The following MSH3 variants were observed in gnomAD, a reference collection of about 807,000 sequenced individuals.
MSH3 encodes the protein mutS homolog 3, also known as DNA mismatch repair protein Msh3.
A neutral mutation model predicts 123.3 loss-of-function variants in MSH3; 106 were observed. The observed-to-expected ratio is 0.86, with a 90% CI of 0.73 to 1.01. The LOEUF is 1.01. Ranked by LOEUF, MSH3 falls within the 50% of genes least tolerant of loss-of-function variation. The probability of loss-of-function intolerance (pLI) is 0.00; values close to 1 mark genes in which losing one functional copy is unlikely to be tolerated. For missense variants in MSH3, 1,459 were observed against 1,347.6 expected (o/e 1.08, Z -1.29); for synonymous variants, 515 against 481.4 (o/e 1.07, Z -0.91).
At chr5:80,851,454 GTTTC>G (rs1473199122) in intron 20 of MSH3, among the ~76,000 whole-genome samples, 2 of 152,100 alleles carry the variant, frequency 1.3e-5, no homozygotes, top group East Asian at 3.8e-4. Context: ...GTTTTCATGA[GTTTC>G]TTTTGTGAAT....
At chr5:80,762,392 C>T (rs187271530) in intron 13 of MSH3, among the ~76,000 whole-genome samples, 203 of 152,016 alleles carry the variant, frequency 1.3e-3, no homozygotes, top group Admixed American at 2.6e-3. Flanking sequence ...TTATTACCTT[C>T]TTACTAATAA....
At chr5:80,663,788 T>C (rs1180240050) in intron 2 of MSH3, among the ~76,000 whole-genome samples, 7 of 152,002 alleles carry the variant, frequency 4.6e-5, no homozygotes, top group Admixed American at 4.6e-4. Context: ...ACTATTTTTT[T>C]TGAAGCAACA....
chr5:80,687,578 G>T (rs545770797), intron 8 of MSH3, among the ~76,000 whole-genome samples: 1 of 152,128 alleles, frequency 6.6e-6, no homozygotes, highest in Non-Finnish European at 1.5e-5. Context: ...TAATGGGGAG[G>T]GGGGAAGGGT....
intron 20 of MSH3, among the ~76,000 whole-genome samples, chr5:80,832,260 A>T (rs1745432957): frequency 6.6e-6 from 1 of 152,122 alleles, no homozygotes; most frequent in African/African-American, 2.4e-5. Context: ...CAGGATGGGG[A>T]AAGGGGAGAG....
rs1317210806 is a variant in MSH3, at chr5:80,865,842, A to T, written c.3130+900A>T. Among the ~76,000 whole-genome samples the T allele has an allele frequency of 5.1e-4, 78 of 152,206 alleles. 2 individuals are homozygous for T. Among genetic ancestry groups the T allele is most frequent in the Admixed American group, 5.1e-3 (78 of 15,280 alleles). Reference sequence around the variant, plus strand: ...AGAAATCAGGCAGCTGGCCCAAATAAAACAAAGCACTGGGCCTAAGATAAA... The same window carrying T: ...AGAAATCAGGCAGCTGGCCCAAATATAACAAAGCACTGGGCCTAAGATAAA... On this transcript the variant is annotated intron_variant, in intron 22 of 23. Coordinates refer to ENST00000265081, the MANE Select transcript of MSH3 (RefSeq NM_002439.5).
chr5:80,710,823 C>T (rs1221536516), intron 8 of MSH3, among the ~76,000 whole-genome samples: 4 of 152,088 alleles, frequency 2.6e-5, no homozygotes, highest in South Asian at 2.1e-4. Context: ...AAGAGCTGGA[C>T]GATGATGACA....
At chr5:80,871,428 C>G (rs1371553030) in intron 22 of MSH3, among the ~76,000 whole-genome samples, 1 of 152,128 alleles carries the variant, frequency 6.6e-6, no homozygotes, top group Non-Finnish European at 1.5e-5. Flanking sequence ...AAACTGTAGC[C>G]CTGTAAGAGA....
chr5:80,680,403 TA>T, intron 8 of MSH3, among the ~76,000 whole-genome samples: 1 of 151,680 alleles, frequency 6.6e-6, no homozygotes, highest in African/African-American at 2.4e-5. Flanking sequence ...ATAAAACTAA[TA>T]TATGTTCATT....
At chr5:80,866,764 C>G (rs1746105268) in intron 22 of MSH3, among the ~76,000 whole-genome samples, 1 of 152,130 alleles carries the variant, frequency 6.6e-6, no homozygotes, top group Non-Finnish European at 1.5e-5. Context: ...TATTGCCATG[C>G]TAAATATTGC....
intron 8 of MSH3, among the ~76,000 whole-genome samples, chr5:80,690,839 T>C (rs1665225313): frequency 6.6e-6 from 1 of 152,110 alleles, no homozygotes; most frequent in Admixed American, 6.5e-5. Flanking sequence ...AAAAATACAG[T>C]AGAAGTTACC....
chr5:80,725,656 T>C (rs1743282548), intron 9 of MSH3, 91 bp downstream of exon 9: 6 of 859,456 alleles, frequency 7.0e-6, no homozygotes, highest in African/African-American at 1.7e-5. Context: ...GATGACTAGG[T>C]AGTTATTATA....
At chr5:80,720,245 G>T (rs1453279665) in intron 8 of MSH3, among the ~76,000 whole-genome samples, 1 of 152,014 alleles carries the variant, frequency 6.6e-6, no homozygotes, top group East Asian at 1.9e-4. Flanking sequence ...TACTGTGATG[G>T]TCATTATGGG....
At chr5:80,680,997 A>C (rs118062318) in intron 8 of MSH3, among the ~76,000 whole-genome samples, 1 of 152,290 alleles carries the variant, frequency 6.6e-6, no homozygotes, top group East Asian at 1.9e-4. Context: ...AAATGGAATT[A>C]ACTGGATCAG....
At chr5:80,819,310 CAA>C (rs1745159347) in intron 20 of MSH3, among the ~76,000 whole-genome samples, 1 of 151,198 alleles carries the variant, frequency 6.6e-6, no homozygotes, top group East Asian at 1.9e-4. Flanking sequence ...ATATATAGGA[CAA>C]GTCACCCAGT....
At chr5:80,722,921 A>G (rs1361933209) in intron 8 of MSH3, among the ~76,000 whole-genome samples, 1 of 152,082 alleles carries the variant, frequency 6.6e-6, no homozygotes, top group Non-Finnish European at 1.5e-5. Flanking sequence ...CCTGGGCAAC[A>G]TGGCGAAACC....
At chr5:80,854,907 A>G (rs1484509771) in intron 21 of MSH3, among the ~76,000 whole-genome samples, 1 of 152,182 alleles carries the variant, frequency 6.6e-6, no homozygotes, top group Non-Finnish European at 1.5e-5. Flanking sequence ...AAATTCCTCG[A>G]GGGAAAAACA....
At chr5:80,747,549 A>C (rs572102148) in intron 12 of MSH3, among the ~76,000 whole-genome samples, 2 of 152,228 alleles carry the variant, frequency 1.3e-5, no homozygotes, top group Non-Finnish European at 2.9e-5. Flanking sequence ...ATCTATTAAA[A>C]TCTATTTCAA....
intron 14 of MSH3, 117 bp downstream of exon 14, chr5:80,768,237 A>G (rs1744157213): frequency 1.0e-6 from 1 of 952,732 alleles, no homozygotes; most frequent in African/African-American, 1.6e-5. Flanking sequence ...GCATGAGTAC[A>G]TATATAATTA....
intron 8 of MSH3, among the ~76,000 whole-genome samples, chr5:80,683,598 A>G (rs933165572): frequency 9.9e-5 from 15 of 152,216 alleles, no homozygotes; most frequent in African/African-American, 3.6e-4. Context: ...TATTGTGGTT[A>G]TTAATCCCTT....
Sources: gnomAD v4.1 joint callset for allele counts (sites outside exome capture counted in the v4.1 genomes callset) on GRCh38, gnomAD v4.1.1 for gene constraint, MANE v1.5 for transcripts, NCBI Gene and HGNC (gene_info 2026-07-23, HGNC 2026-07-21) for gene names.